SZRD1: variants seen among roughly 807,000 people sequenced by gnomAD.
SZRD1 encodes the protein SUZ RNA binding domain containing 1.
Under a neutral mutation model 17.6 loss-of-function variants are expected in SZRD1, and 7 were observed. The observed-to-expected ratio is 0.40, with a 90% CI of 0.23 to 0.75. The LOEUF (loss-of-function observed/expected upper bound fraction) is 0.75, where lower values mean the gene tolerates loss of function less well. Among genes scored for constraint, SZRD1 ranks in the 30% least tolerant of loss-of-function variants. The pLI is 0.38. For missense variants in SZRD1, 178 were observed against 201.8 expected (o/e 0.88, Z 0.71); for synonymous variants, 77 against 77.9 (o/e 0.99, Z 0.06).
chr1:16,396,810 G>A lies in SZRD1; in HGVS notation c.*1670G>A, dbSNP rs999908155. The stretch of plus-strand genomic sequence containing the variant: ...CAACACGTCCTCTCCTCCGGAGGAA[G>A]GGCCAGCTGCCAGCTGAGTCAGCAG... On this transcript the variant is annotated 3_prime_UTR_variant, in exon 4 of 4. Coordinates refer to ENST00000401088, the MANE Select transcript of SZRD1 (RefSeq NM_001114600.3). The A allele has an allele frequency of 2.6e-5, 4 of 152,360 alleles. No individual in the cohort carries two copies. The highest frequency in any genetic ancestry group is 5.9e-5 in the Non-Finnish European group (4 of 68,150). 9.4% of individuals were successfully genotyped at this position (152,360 alleles called of 1,614,324 possible). A position where few individuals can be genotyped will look rare whatever the true frequency, so the allele number is the denominator to read the frequency against.
intron 1 of SZRD1, among the ~76,000 whole-genome samples, chr1:16,378,279 C>T (rs915124962): frequency 2.0e-5 from 3 of 146,466 alleles, no homozygotes; most frequent in Non-Finnish European, 4.5e-5. Flanking sequence ...TTCTGTTTGG[C>T]AACTTCTTTT....
chr1:16,390,560 T>A (rs2085205190), intron 1 of SZRD1: 1 of 152,264 alleles, frequency 6.6e-6, no homozygotes. Context: ...GTTCCCCATG[T>A]TCACTTGTAG....
At position 16,396,589 on chromosome 1, in the gene SZRD1, G is replaced by A. The variant is rs3738605; in HGVS notation, c.*1449G>A. On this transcript the variant is annotated 3_prime_UTR_variant, in exon 4 of 4. Coordinates refer to ENST00000401088, the MANE Select transcript of SZRD1 (RefSeq NM_001114600.3). Reference sequence around the variant, plus strand: ...CCTCTCAGGCTTCCTGATCCCTTCCGTTGCACTGCGCCTTATCCCTCAGCC... The same window carrying A: ...CCTCTCAGGCTTCCTGATCCCTTCCATTGCACTGCGCCTTATCCCTCAGCC... 49,001 of 152,182 alleles carry A rather than the reference G, an allele frequency of 0.32. 9,368 individuals carry two copies. The highest frequency in any genetic ancestry group is 0.68 in the East Asian group (3,479 of 5,148). The allele number at this position is 152,182 out of a possible 1,614,324, so 9.4% of individuals were successfully genotyped here.
intron 1 of SZRD1, among the ~76,000 whole-genome samples, chr1:16,369,899 CAA>C (rs767599484): frequency 7.3e-6 from 1 of 136,250 alleles, no homozygotes; most frequent in Non-Finnish European, 1.6e-5. Context: ...AAAAAAAAAA[CAA>C]AAAAAAAAAA....
chr1:16,379,022 C>T lies in SZRD1; in HGVS notation c.51+11714C>T, dbSNP rs1197115799. On this transcript the variant is annotated intron_variant, in intron 1 of 3. Transcript: ENST00000401088. ...GGTTACAGGTGTGAGCCACTGTGCC[C>T]GACCTCCTTATATCCTACTTTATTA... Among the ~76,000 whole-genome samples the T allele has an allele frequency of 2.0e-5, 3 of 151,968 alleles. No homozygotes were observed. In the South Asian group the frequency reaches 6.2e-4, roughly 32 times the overall value.
At chr1:16,368,956 A>G (rs1475607188) in intron 1 of SZRD1, among the ~76,000 whole-genome samples, 2 of 152,192 alleles carry the variant, frequency 1.3e-5, no homozygotes, top group African/African-American at 4.8e-5. Context: ...ATTGGGGCTT[A>G]CTTTAGTTTT....
intron 1 of SZRD1, among the ~76,000 whole-genome samples, chr1:16,370,001 A>T (rs1311404747): frequency 5.3e-5 from 8 of 152,080 alleles, no homozygotes; most frequent in African/African-American, 1.9e-4. Context: ...ATTTAATTGA[A>T]TCCTTGAAAC....
intron 1 of SZRD1, among the ~76,000 whole-genome samples, chr1:16,386,749 T>A (rs1199483514): frequency 6.6e-6 from 1 of 152,052 alleles, no homozygotes; most frequent in Non-Finnish European, 1.5e-5. Context: ...TCTGTAATCT[T>A]ATGGAAGAAT....
intron 1 of SZRD1, chr1:16,387,118 G>A (rs2085138152): frequency 5.7e-6 from 2 of 348,916 alleles, no homozygotes; most frequent in Non-Finnish European, 1.1e-5. Flanking sequence ...ACATTATATC[G>A]ATATAAGGTA....
At position 16,391,555 on chromosome 1, in the gene SZRD1, C is replaced by G; in HGVS notation, c.101+131C>G. On this transcript the variant is annotated intron_variant, in intron 2 of 3. Coordinates refer to ENST00000401088, the MANE Select transcript of SZRD1 (RefSeq NM_001114600.3). This position sits in a 1 kb window ranked among gnomAD's most constrained non-coding sequence, Gnocchi z 4.3. ...TCAGGCTCTGGGGCAGCAAACCCTTCCCTCCAAATTGGAGACCAGGACGTG... is the reference window on the plus strand; with the variant it reads ...TCAGGCTCTGGGGCAGCAAACCCTTGCCTCCAAATTGGAGACCAGGACGTG... 1 of 766,116 alleles carries G rather than the reference C, an allele frequency of 1.3e-6. No homozygotes were observed. The highest frequency in any genetic ancestry group is 2.1e-6 in the Non-Finnish European group (1 of 468,706). The allele number at this position is 766,116 out of a possible 1,614,324, so 47.5% of individuals were successfully genotyped here.
At chr1:16,375,314 A>G (rs1237605993) in intron 1 of SZRD1, among the ~76,000 whole-genome samples, 1 of 151,160 alleles carries the variant, frequency 6.6e-6, no homozygotes, top group African/African-American at 2.4e-5. Flanking sequence ...GGAGACAGAT[A>G]ATTTTTTTTT....
rs1402061094 is a variant in SZRD1, at chr1:16,369,821, G to A, written c.51+2513G>A. On this transcript the variant is annotated intron_variant, in intron 1 of 3. Coordinates refer to ENST00000401088, the MANE Select transcript of SZRD1 (RefSeq NM_001114600.3). ...GGAGAATTGCTTGAACCTAGGAGGCGGAGGTTGCAGTGAGCCGAGATCATG... is the reference window on the plus strand; with the variant it reads ...GGAGAATTGCTTGAACCTAGGAGGCAGAGGTTGCAGTGAGCCGAGATCATG... 5.3e-5 allele frequency among the ~76,000 whole-genome samples: 8 copies of A among 151,342 alleles called. No individual in the cohort carries two copies. In the East Asian group the frequency reaches 1.4e-3, roughly 26 times the overall value.
At chr1:16,373,830 T>G (rs1050553655) in intron 1 of SZRD1, among the ~76,000 whole-genome samples, 2 of 152,094 alleles carry the variant, frequency 1.3e-5, no homozygotes, top group Non-Finnish European at 2.9e-5. Flanking sequence ...CTCGAATGCC[T>G]GAACATAAGT....
At position 16,381,085 on chromosome 1, in the gene SZRD1, TAAA is replaced by T. The variant is rs139686580; in HGVS notation, c.52-10273_52-10271del. ...GCAACAGAGCAAGACCCTGGCTCGT[TAAA>T]AAAAAAAAAAAAAAAACTAGCCAGG... On this transcript the variant is annotated intron_variant, in intron 1 of 3. Transcript: ENST00000401088. Among the ~76,000 whole-genome samples the T allele has an allele frequency of 4.1e-5, 5 of 123,138 alleles. No individual in the cohort carries two copies. In the East Asian group the frequency reaches 7.1e-4, roughly 18 times the overall value. The allele number at this position is 123,138 out of a possible 152,430, so 80.8% of individuals were successfully genotyped here.
At chr1:16,379,610 T>C (rs1447308587) in intron 1 of SZRD1, among the ~76,000 whole-genome samples, 3 of 152,178 alleles carry the variant, frequency 2.0e-5, no homozygotes, top group African/African-American at 7.2e-5. Context: ...GATAGTGTCA[T>C]TTGTCAACTG....
Position 16,391,445 on chromosome 1 carries a change from G to A in SZRD1, c.101+21G>A, listed in dbSNP as rs1288438268. 9 of 1,545,194 alleles carry A rather than the reference G, an allele frequency of 5.8e-6. No individual in the cohort carries two copies. The highest frequency in any genetic ancestry group is 1.4e-5 in the African/African-American group (1 of 72,828). On this transcript the variant is annotated intron_variant, in intron 2 of 3. Coordinates refer to ENST00000401088, the MANE Select transcript of SZRD1 (RefSeq NM_001114600.3). This position sits in a 1 kb window ranked among gnomAD's most constrained non-coding sequence, Gnocchi z 4.3. Reference sequence around the variant, plus strand: ...GAGAGGTAAGGCTGCTGTCTGGTCTGAGGGCTCATGCTCTCTGTGGTTTGA... The same window carrying A: ...GAGAGGTAAGGCTGCTGTCTGGTCTAAGGGCTCATGCTCTCTGTGGTTTGA...
intron 1 of SZRD1, among the ~76,000 whole-genome samples, chr1:16,371,303 G>A (rs943552682): frequency 7.3e-5 from 11 of 151,012 alleles, no homozygotes; most frequent in African/African-American, 2.7e-4. Context: ...ATCTCCACCC[G>A]CCTCAGCCTC....
intron 1 of SZRD1, among the ~76,000 whole-genome samples, chr1:16,378,365 C>T (rs866509501): frequency 4.8e-5 from 7 of 147,244 alleles, no homozygotes; most frequent in Admixed American, 7.0e-5. Context: ...CTCACTGCAA[C>T]CTCCGCCTCC....
chr1:16,375,031 C>G (rs2082976388), intron 1 of SZRD1, among the ~76,000 whole-genome samples: 1 of 152,028 alleles, frequency 6.6e-6, no homozygotes, highest in Non-Finnish European at 1.5e-5. Flanking sequence ...GTGCTCGCCA[C>G]TACACCCAGC....
Sources: allele counts gnomAD v4.1 joint callset (sites outside exome capture counted in the v4.1 genomes callset), GRCh38; gene constraint gnomAD v4.1.1; non-coding constraint Gnocchi (gnomAD v3.1); transcripts MANE v1.5; gene names NCBI Gene and HGNC (gene_info 2026-07-23, HGNC 2026-07-21).